Variants in CHD2 observed in about 807,000 individuals in gnomAD.
CHD2 encodes chromodomain helicase DNA binding protein 2, also known as ATP-dependent chromatin remodeler CHD2.
In CHD2, 28 loss-of-function variants were observed where a neutral mutation model predicts 243.9. The ratio of observed to expected loss-of-function variants is 0.11; its 90% CI spans 0.09 to 0.16. The LOEUF is 0.16. Among genes scored for constraint, CHD2 ranks in the 10% least tolerant of loss-of-function variants. The pLI is 1.00. For synonymous variants in CHD2, 775 were observed against 779.0 expected (o/e 0.99, Z 0.09); for missense variants, 1,386 against 2,209.8 (o/e 0.63, Z 7.47).
chr15:92,961,807 T>TTAACAA (rs910075083), intron 16 of CHD2, among the ~76,000 whole-genome samples: 1 of 151,692 alleles, frequency 6.6e-6, no homozygotes, highest in African/African-American at 2.4e-5. Context: ...AGCTAAGGGC[T>TTAACAA]TAACAATTTT....
At chr15:92,953,776 C>A in intron 14 of CHD2, 1 of 570,406 alleles carries the variant, frequency 1.8e-6, no homozygotes, top group Non-Finnish European at 3.1e-6. Flanking sequence ...TAAAAAGCAA[C>A]AGCAGTATGT....
In CHD2 at chr15:92,953,589, G is replaced by C. The variant is rs755236242; in HGVS notation, c.1719+16G>C. On this transcript the variant is annotated intron_variant, in intron 14 of 38. Transcript: ENST00000394196. ...CAGAAATACGGTGTGTAAACAAAAA[G>C]AGCTGGGTTAGAATCTGTGTTATAA... is the stretch of plus-strand genomic sequence containing the variant. The C allele has an allele frequency of 1.2e-5, 19 of 1,606,272 alleles. No homozygotes were observed. Among genetic ancestry groups the C allele is most frequent in the Non-Finnish European group, 1.5e-5 (18 of 1,172,892 alleles).
chr15:92,936,907 A>G (rs1228650307), intron 5 of CHD2, among the ~76,000 whole-genome samples: 1 of 152,036 alleles, frequency 6.6e-6, no homozygotes, highest in East Asian at 1.9e-4. Context: ...GGTGGAGTAC[A>G]GTGGCAAAAT....
chr15:92,991,314 A>G (rs1193764324), intron 26 of CHD2, 162 bp from the exon 27 acceptor site: 1 of 498,148 alleles, frequency 2.0e-6, no homozygotes, highest in African/African-American at 2.0e-5. Context: ...ACTAGTTTCA[A>G]AGACATTCAA....
chr15:93,012,383 A>G lies in CHD2; in HGVS notation c.4631A>G (p.Asp1544Gly). 1 of 1,607,874 alleles carries G rather than the reference A, an allele frequency of 6.2e-7. No homozygotes were observed. The highest frequency in any genetic ancestry group is 1.1e-5 in the South Asian group (1 of 89,050). Residue 1544 changes from aspartate (D) to glycine (G), a missense_variant, in exon 36 of 39, where the codon GAT (aspartate) becomes GGT (glycine). Around this residue, in one of 19 missense-constraint regions of CHD2, gnomAD observed 11 missense variants for 47.7 expected, o/e 0.23. Transcript: ENST00000394196. Reference sequence around the variant, plus strand: ...TTTGTTTCCAAGTTTACAGAATTTGATGCTCGAAAACTGCATAAGTTATAC... The same window carrying G: ...TTTGTTTCCAAGTTTACAGAATTTGGTGCTCGAAAACTGCATAAGTTATAC... ...WIFVSKFTEF[D>G]ARKLHKLYKM...
intron 34 of CHD2, among the ~76,000 whole-genome samples, chr15:93,005,795 T>C (rs2054312855): frequency 6.6e-6 from 1 of 152,168 alleles, no homozygotes; most frequent in Non-Finnish European, 1.5e-5. Flanking sequence ...AATAAATGAG[T>C]AAATTGAATA....
At chr15:92,909,186 G>T (rs923443726) in intron 2 of CHD2, among the ~76,000 whole-genome samples, 1 of 151,786 alleles carries the variant, frequency 6.6e-6, no homozygotes, top group Non-Finnish European at 1.5e-5. Context: ...TGAATTCCTT[G>T]TAAGTGTCTT....
intron 4 of CHD2, among the ~76,000 whole-genome samples, chr15:92,928,783 G>A (rs1015473314): frequency 2.6e-5 from 4 of 152,204 alleles, no homozygotes; most frequent in African/African-American, 9.6e-5. Flanking sequence ...GGATATTGCT[G>A]TTCTGGAAGT....
chr15:92,909,791 A>G (rs2052694306), intron 2 of CHD2, among the ~76,000 whole-genome samples: 1 of 151,994 alleles, frequency 6.6e-6, no homozygotes, highest in Non-Finnish European at 1.5e-5. Context: ...TGCTGGGATT[A>G]CAGATGTGAG....
chr15:93,000,033 T>C (rs1051615685), intron 31 of CHD2, among the ~76,000 whole-genome samples: 2 of 152,080 alleles, frequency 1.3e-5, no homozygotes, highest in African/African-American at 4.8e-5. Context: ...CTGAGGTGGG[T>C]GGATCACCTG....
chr15:92,976,172 A>G (rs921260925), intron 20 of CHD2, among the ~76,000 whole-genome samples: 2 of 152,048 alleles, frequency 1.3e-5, no homozygotes, highest in African/African-American at 4.8e-5. Context: ...CGAATGTTTC[A>G]TATTGCCCTG....
rs1465915804 is a variant in CHD2 at position 93,024,499 on chromosome 15, C to T, written c.5281C>T (p.His1761Tyr). 6.2e-7 allele frequency: 1 copy of T among 1,614,184 alleles called. No homozygotes were observed. Among genetic ancestry groups the T allele is most frequent in the Non-Finnish European group, 8.5e-7 (1 of 1,180,028 alleles). Reference protein sequence around the residue: ...MGYHGQGPSDHYRSFHTDKLG... With the variant: ...MGYHGQGPSDYYRSFHTDKLG... ...CTACCATGGCCAGGGACCCTCAGAC[C>T]ATTACCGCTCTTTCCACACAGATAA... The change falls in exon 39 of 39, where the codon CAT becomes TAT. Residue 1761 changes from histidine to tyrosine, a missense_variant. Physicochemically the swap from His to Tyr is moderately conservative, Grantham distance 83. Transcript: ENST00000394196.
chr15:93,008,064 A>G (rs1419558649), intron 34 of CHD2, among the ~76,000 whole-genome samples: 1 of 152,192 alleles, frequency 6.6e-6, no homozygotes, highest in East Asian at 1.9e-4. Flanking sequence ...TTATAGGATG[A>G]TGTAGCAGAA....
chr15:92,977,843 T>C (rs1200386334), intron 20 of CHD2, among the ~76,000 whole-genome samples: 1 of 152,234 alleles, frequency 6.6e-6, no homozygotes, highest in African/African-American at 2.4e-5. Context: ...CTGACTTACA[T>C]GGCATAATCT....
chr15:92,905,157 C>A (rs1483968500), intron 2 of CHD2: 3 of 721,926 alleles, frequency 4.2e-6, no homozygotes, highest in African/African-American at 3.6e-5. Context: ...GAAAACTACT[C>A]TTTTAAGTGT....
intron 16 of CHD2, among the ~76,000 whole-genome samples, chr15:92,965,564 C>CAAAAA (rs2053747989): frequency 3.0e-5 from 1 of 33,824 alleles, no homozygotes; most frequent in Non-Finnish European, 6.3e-5. Context: ...GACTCTTTCT[C>CAAAAA]CAAAAAAAAA....
At chr15:93,023,991 C>T (rs779855598) in intron 38 of CHD2, among the ~76,000 whole-genome samples, 29 of 151,668 alleles carry the variant, frequency 1.9e-4, no homozygotes, top group Non-Finnish European at 8.8e-5. Flanking sequence ...ACTAGTCACT[C>T]ACTTGTTGCA....
chr15:92,942,900 A>G lies in CHD2; in HGVS notation c.884A>G (p.Asp295Gly), dbSNP rs776177495. ...GAAGCTAATGGCGACCCTAGTGGTG[A>G]CTTTGACACTGAAAAGGATGAAGGT... is the stretch of plus-strand genomic sequence containing the variant. ...AIEANGDPSG[D>G]FDTEKDEGEI... The change falls in exon 9 of 39, where the codon GAC becomes GGC. Residue 295 changes from aspartate to glycine, a missense_variant. Transcript: ENST00000394196. 1 of 1,613,940 alleles carries G rather than the reference A, an allele frequency of 6.2e-7. No individual in the cohort carries two copies. The highest frequency in any genetic ancestry group is 1.3e-5 in the African/African-American group (1 of 74,898).
At position 92,967,307 on chromosome 15, in the gene CHD2, A is replaced by G. The variant is rs2053779012; in HGVS notation, c.2001-18A>G. Reference sequence around the variant, plus strand: ...TTCCTCAATGTGGCTAAATAACACTATACTGTTTCTTCCCTAGGTTTGAAT... The same window carrying G: ...TTCCTCAATGTGGCTAAATAACACTGTACTGTTTCTTCCCTAGGTTTGAAT... On this transcript the variant is annotated intron_variant, in intron 16 of 38. Coordinates refer to ENST00000394196, the MANE Select transcript of CHD2 (RefSeq NM_001271.4). 3.2e-6 allele frequency: 5 copies of G among 1,582,280 alleles called. No individual in the cohort carries two copies. The highest frequency in any genetic ancestry group is 2.3e-5 in the South Asian group (2 of 88,106).
Sources: allele counts gnomAD v4.1 joint callset (sites outside exome capture counted in the v4.1 genomes callset), GRCh38; gene constraint gnomAD v4.1.1; regional missense constraint gnomAD v4.1.1; transcripts MANE v1.5; gene names NCBI Gene and HGNC (gene_info 2026-07-23, HGNC 2026-07-21).